The following TWIST2 variants were observed in gnomAD, a reference collection of about 807,000 sequenced individuals.
The protein encoded by TWIST2 is twist family bHLH transcription factor 2, also known as twist-related protein 2.
A neutral mutation model predicts 11.6 loss-of-function variants in TWIST2; 1 was observed. The observed-to-expected ratio is 0.09, with a 90% confidence interval of 0.03 to 0.41. TWIST2 has a LOEUF of 0.41. Among genes scored for constraint, TWIST2 ranks in the 10% least tolerant of loss-of-function variants. The pLI is 0.98. For synonymous variants in TWIST2, 87 were observed against 96.6 expected (o/e 0.90, Z 0.58); for missense variants, 168 against 226.4 (o/e 0.74, Z 1.66).
At chr2:238,886,264 C>A (rs1159405893) in intron 1 of TWIST2, among the ~76,000 whole-genome samples, 2 of 152,056 alleles carry the variant, frequency 1.3e-5, no homozygotes, top group East Asian at 1.9e-4. Context: ...TCTGAAGCAC[C>A]AAAAACCCCA....
rs1692466988 is a variant in TWIST2 at position 238,863,322 on chromosome 2, A to AT, written c.*35+14590dup. On this transcript the variant is annotated intron_variant, in intron 1 of 1. Transcript: ENST00000612363. The surrounding 1 kb of genome is among the most constrained non-coding windows in gnomAD (Gnocchi z 4.7). ...AATACAAAAGAGTGGCCTTCAGAAT[A>AT]TATTTTTGTATCTTCTGCAATCTAC... 6.6e-6 allele frequency among the ~76,000 whole-genome samples: 1 copy of AT among 152,124 alleles called. No homozygotes were observed. The highest frequency in any genetic ancestry group is 2.4e-5 in the African/African-American group (1 of 41,424).
At chr2:238,905,962 TGCGTGTGTGTGC>T (rs1693346333) in intron 1 of TWIST2, among the ~76,000 whole-genome samples, 24 of 105,884 alleles carry the variant, frequency 2.3e-4, no homozygotes, top group African/African-American at 2.8e-4. Flanking sequence ...TGTGTACGTG[TGCGTGTGTGTGC>T]GCGCGCGTGT....
intron 1 of TWIST2, among the ~76,000 whole-genome samples, chr2:238,883,018 G>A (rs1400720601): frequency 2.0e-5 from 3 of 152,116 alleles, no homozygotes; most frequent in African/African-American, 7.2e-5. Context: ...TCCAGTTTGG[G>A]GGTGAGATGG....
intron 1 of TWIST2, among the ~76,000 whole-genome samples, chr2:238,854,413 A>G (rs1692294669): frequency 6.6e-6 from 1 of 152,086 alleles, no homozygotes; most frequent in African/African-American, 2.4e-5. Context: ...AAACCCCTTG[A>G]TTTGTATTAA....
intron 1 of TWIST2, among the ~76,000 whole-genome samples, chr2:238,870,869 ACAC>A (rs1416780423): frequency 1.7e-5 from 1 of 58,954 alleles, no homozygotes; most frequent in Non-Finnish European, 3.2e-5. Context: ...TACCCCACAC[ACAC>A]CACACACACA....
At chr2:238,886,152 C>T (rs192254319) in intron 1 of TWIST2, among the ~76,000 whole-genome samples, 25 of 151,402 alleles carry the variant, frequency 1.7e-4, no homozygotes, top group African/African-American at 5.6e-4. Flanking sequence ...ATATAAAATG[C>T]ACCGTGAACT....
chr2:238,880,470 CTATT>C (rs1410404266), intron 1 of TWIST2, among the ~76,000 whole-genome samples: 5 of 100,432 alleles, frequency 5.0e-5, no homozygotes, highest in Non-Finnish European at 7.8e-5. Context: ...GTATTAGTTA[CTATT>C]TATTAGTGTC....
At chr2:238,857,994 C>T (rs1348308290) in intron 1 of TWIST2, among the ~76,000 whole-genome samples, 1 of 152,188 alleles carries the variant, frequency 6.6e-6, no homozygotes, top group Non-Finnish European at 1.5e-5. Flanking sequence ...AGATGACAGA[C>T]TTTGTCCTCC....
intron 1 of TWIST2, among the ~76,000 whole-genome samples, chr2:238,870,143 CAT>C (rs1253488698): frequency 9.7e-5 from 14 of 143,882 alleles, no homozygotes; most frequent in African/African-American, 2.7e-4. Context: ...CACCACACCC[CAT>C]ACACACCACA....
In TWIST2 at chr2:238,866,063, A is replaced by G. The variant is rs1417489819; in HGVS notation, c.*35+17330A>G. Among the ~76,000 whole-genome samples the G allele has an allele frequency of 6.6e-6, 1 of 152,154 alleles. No homozygotes were observed. The highest frequency in any genetic ancestry group is 1.5e-5 in the Non-Finnish European group (1 of 68,028). On this transcript the variant is annotated intron_variant, in intron 1 of 1. Transcript: ENST00000612363. The surrounding 1 kb of genome is among the most constrained non-coding windows in gnomAD (Gnocchi z 4.9). Reference sequence around the variant, plus strand: ...TCGCTTAACCTGTTAATGGAATAGCATGGACGATGCACCCCACACTGCATC... The same window carrying G: ...TCGCTTAACCTGTTAATGGAATAGCGTGGACGATGCACCCCACACTGCATC...
In TWIST2 at chr2:238,879,438, A is replaced by AT. The variant is rs548747942; in HGVS notation, c.*36-30403dup. 1.9e-4 allele frequency among the ~76,000 whole-genome samples: 29 copies of AT among 152,230 alleles called. No individual in the cohort carries two copies. The East Asian group carries it at 5.6e-3, about 29-fold the overall frequency. ...ATTCTACATGTTGGGTCATGTGGTC[A>AT]TCCTGTCCAGCAAATGCACACCTCC... On this transcript the variant is annotated intron_variant, in intron 1 of 1. Coordinates refer to ENST00000612363, the MANE Select transcript of TWIST2 (RefSeq NM_001271893.4).
chr2:238,861,750 A>G (rs1692440951), intron 1 of TWIST2, among the ~76,000 whole-genome samples: 1 of 152,240 alleles, frequency 6.6e-6, no homozygotes, highest in African/African-American at 2.4e-5. Flanking sequence ...CGAAGTTTCA[A>G]TTACAGACAG....
intron 1 of TWIST2, among the ~76,000 whole-genome samples, chr2:238,881,299 CTA>C (rs1209775183): frequency 6.3e-5 from 9 of 142,754 alleles, no homozygotes; most frequent in African/African-American, 2.3e-4. Flanking sequence ...ATGTTAGTAT[CTA>C]TTAGTATTAG....
chr2:238,869,435 A>G (rs527574497), intron 1 of TWIST2, among the ~76,000 whole-genome samples: 4 of 152,394 alleles, frequency 2.6e-5, no homozygotes, highest in Admixed American at 6.5e-5. Flanking sequence ...GGGAGAAAGT[A>G]TCGGCAAATT....
intron 1 of TWIST2, among the ~76,000 whole-genome samples, chr2:238,898,954 A>G (rs946946504): frequency 3.9e-5 from 6 of 152,254 alleles, no homozygotes; most frequent in Non-Finnish European, 7.3e-5. Flanking sequence ...TGATTGGACA[A>G]TGTGACCGAT....
intron 1 of TWIST2, among the ~76,000 whole-genome samples, chr2:238,877,425 C>CA (rs1559277369): frequency 6.6e-6 from 1 of 151,758 alleles, no homozygotes; most frequent in Non-Finnish European, 1.5e-5. Context: ...TACCCCATAT[C>CA]AAAAAAAGAA....
intron 1 of TWIST2, among the ~76,000 whole-genome samples, chr2:238,899,566 C>T (rs1000992051): frequency 5.9e-5 from 9 of 152,166 alleles, no homozygotes; most frequent in South Asian, 2.1e-4. Context: ...CTCCAGGGCC[C>T]GTCTCAGGGA....
At position 238,875,421 on chromosome 2, in the gene TWIST2, C is replaced by T. The variant is rs146555021; in HGVS notation, c.*35+26688C>T. Among the ~76,000 whole-genome samples, 619 of 152,188 alleles carry T rather than the reference C, an allele frequency of 4.1e-3. 7 individuals are homozygous for T. Among genetic ancestry groups the T allele is most frequent in the African/African-American group, 0.014 (592 of 41,502 alleles). On this transcript the variant is annotated intron_variant, in intron 1 of 1. Coordinates refer to ENST00000612363, the MANE Select transcript of TWIST2 (RefSeq NM_001271893.4). The stretch of plus-strand genomic sequence containing the variant: ...GAGCTTCCAGCAGCTTTCTCTCTAG[C>T]GGAAAATGGATTCAACCAAAAGATC...
At chr2:238,903,138 G>A (rs1382327787) in intron 1 of TWIST2, among the ~76,000 whole-genome samples, 8,679 of 141,980 alleles carry the variant, frequency 0.061, 370 homozygotes, top group East Asian at 0.14. Flanking sequence ...TGGGGTGTGT[G>A]TCTCATGTGA....
Sources: gnomAD v4.1 joint callset for allele counts (sites outside exome capture counted in the v4.1 genomes callset) on GRCh38, gnomAD v4.1.1 for gene constraint, Gnocchi (gnomAD v3.1) non-coding constraint, MANE v1.5 for transcripts, NCBI Gene and HGNC (gene_info 2026-07-23, HGNC 2026-07-21) for gene names.